Variants in TEK observed in about 807,000 individuals in gnomAD.
The protein encoded by TEK is angiopoietin-1 receptor.
Under a neutral mutation model 131.8 loss-of-function variants are expected in TEK, and 43 were observed. That is an observed-to-expected ratio of 0.33 (90% CI 0.26 to 0.42). The LOEUF is 0.42. TEK is among the 10% of genes least tolerant of loss of function. The pLI is 1.00. For missense variants in TEK, 1,162 were observed against 1,384.4 expected (o/e 0.84, Z 2.55); for synonymous variants, 580 against 491.6 (o/e 1.18, Z -2.38).
intron 1 of TEK, among the ~76,000 whole-genome samples, chr9:27,136,841 G>C (rs1822466741): frequency 6.6e-6 from 1 of 151,590 alleles, no homozygotes; most frequent in South Asian, 2.1e-4. Context: ...AATTAATTTA[G>C]GAAGAATTAT....
In TEK at chr9:27,135,178, C is replaced by T. The variant is rs557858739; in HGVS notation, c.53-22653C>T. 4.0e-5 allele frequency among the ~76,000 whole-genome samples: 6 copies of T among 150,340 alleles called. No homozygotes were observed. The South Asian group carries it at 1.0e-3, about 26-fold the overall frequency. On this transcript the variant is annotated intron_variant, in intron 1 of 22. Coordinates refer to ENST00000380036, the MANE Select transcript of TEK (RefSeq NM_000459.5). ...GGTGGAGGTTGCAGTGAGCCGAGAT[C>T]GTGCCACTGCACTCCAGCCTTGGTG...
chr9:27,115,752 T>C lies in TEK; in HGVS notation c.52+6110T>C, dbSNP rs184609845. Reference sequence around the variant, plus strand: ...GAAAAGGAAAAGGGAAGAAAGGACATAGAGGGAGCAACCTATACAAAGGGG... The same window carrying C: ...GAAAAGGAAAAGGGAAGAAAGGACACAGAGGGAGCAACCTATACAAAGGGG... On this transcript the variant is annotated intron_variant, in intron 1 of 22. Transcript: ENST00000380036. Among the ~76,000 whole-genome samples, 3 of 152,192 alleles carry C rather than the reference T, an allele frequency of 2.0e-5. No individual in the cohort carries two copies. The East Asian group carries it at 5.8e-4, about 29-fold the overall frequency.
chr9:27,167,609 G>A (rs145209791), intron 2 of TEK, among the ~76,000 whole-genome samples: 2 of 152,272 alleles, frequency 1.3e-5, no homozygotes, highest in Non-Finnish European at 2.9e-5. Context: ...AACTGTGTCA[G>A]TTCATACATA....
intron 20 of TEK, among the ~76,000 whole-genome samples, chr9:27,219,632 T>G (rs1825971479): frequency 1.2e-5 from 1 of 85,620 alleles, no homozygotes; most frequent in South Asian, 4.5e-4. Flanking sequence ...AAAACTGTTC[T>G]ACAATAAACC....
At chr9:27,158,611 C>A (rs1367882350) in intron 2 of TEK, among the ~76,000 whole-genome samples, 1 of 151,148 alleles carries the variant, frequency 6.6e-6, no homozygotes, top group Admixed American at 6.6e-5. Flanking sequence ...GGGGAATATC[C>A]ATCAGTAACT....
At chr9:27,223,177 A>AG (rs139911907) in intron 21 of TEK, among the ~76,000 whole-genome samples, 81,771 of 151,814 alleles carry the variant, frequency 0.54, 22,339 homozygotes, top group East Asian at 0.58. Flanking sequence ...TATTATTGTG[A>AG]GGAGTCTTAA....
intron 7 of TEK, among the ~76,000 whole-genome samples, chr9:27,180,686 C>T (rs921683019): frequency 1.1e-4 from 17 of 151,988 alleles, no homozygotes; most frequent in African/African-American, 3.9e-4. Flanking sequence ...CCTGGACATG[C>T]GTAACAGAGA....
chr9:27,206,654 C>G lies in TEK; in HGVS notation c.2437C>G (p.Pro813Ala). ...LNRKVKNNPD[P>A]TIYPVLDWND... is the part of the protein sequence containing the mutation. ...CAGGAAGGTCAAAAACAACCCAGAT[C>G]CTACAATTTATCCAGTGCTTGACTG... The change falls in exon 15 of 23, where the codon CCT (proline) becomes GCT (alanine). Residue 813 changes from proline (P) to alanine (A), a missense_variant. By Grantham distance (27) the Pro-to-Ala change is conservative. This residue lies in a region of TEK where 477 missense variants were observed against 471.0 expected (regional missense o/e 1.01). Coordinates refer to ENST00000380036, the MANE Select transcript of TEK (RefSeq NM_000459.5). The G allele has an allele frequency of 6.2e-7, 1 of 1,613,996 alleles. No individual in the cohort carries two copies. The highest frequency in any genetic ancestry group is 8.5e-7 in the Non-Finnish European group (1 of 1,179,988).
intron 2 of TEK, among the ~76,000 whole-genome samples, chr9:27,163,480 TGAGGAGAAAAG>T (rs991340632): frequency 3.9e-5 from 6 of 152,112 alleles, no homozygotes; most frequent in Admixed American, 2.0e-4. Context: ...CTGGTGAGGC[TGAGGAGAAAAG>T]GAGGAGAAAA....
chr9:27,123,624 T>C (rs1243713967), intron 1 of TEK, among the ~76,000 whole-genome samples: 2 of 152,220 alleles, frequency 1.3e-5, no homozygotes, highest in Non-Finnish European at 2.9e-5. Context: ...CATAATCTTT[T>C]TTATTGTTTT....
At chr9:27,204,366 C>T (rs991497660) in intron 13 of TEK, among the ~76,000 whole-genome samples, 1 of 152,066 alleles carries the variant, frequency 6.6e-6, no homozygotes, top group African/African-American at 2.4e-5. Flanking sequence ...TTTAATTTTT[C>T]CTCTGTCTTT....
At chr9:27,167,878 T>C (rs990474896) in intron 2 of TEK, among the ~76,000 whole-genome samples, 2 of 152,078 alleles carry the variant, frequency 1.3e-5, no homozygotes, top group Non-Finnish European at 2.9e-5. Flanking sequence ...TTTTCCCACT[T>C]TAAGAATACT....
At position 27,213,608 on chromosome 9, in the gene TEK, G is replaced by GAC; in HGVS notation, c.2991+15_2991+16dup. 1.3e-6 allele frequency: 2 copies of GAC among 1,589,162 alleles called. No individual in the cohort carries two copies. The highest frequency in any genetic ancestry group is 1.7e-6 in the Non-Finnish European group (2 of 1,157,600). Reference sequence around the variant, plus strand: ...GTGAAAAAGACAATGGTAAGTGCCAGACACAGACACTGATCGCATCCTTTC... The same window carrying GAC: ...GTGAAAAAGACAATGGTAAGTGCCAGACACACAGACACTGATCGCATCCTTTC... On this transcript the variant is annotated intron_variant, in intron 18 of 22. Coordinates refer to ENST00000380036, the MANE Select transcript of TEK (RefSeq NM_000459.5).
chr9:27,115,883 G>A (rs1346459713), intron 1 of TEK, among the ~76,000 whole-genome samples: 1 of 152,186 alleles, frequency 6.6e-6, no homozygotes, highest in African/African-American at 2.4e-5. Flanking sequence ...GGCCTCACAG[G>A]CCATTTTAAG....
rs1208128718 is a variant in TEK, at chr9:27,169,733, C to G, written c.628+104C>G. The G allele has an allele frequency of 3.3e-6, 5 of 1,515,478 alleles. No homozygotes were observed. In the Admixed American group the frequency reaches 5.2e-5, roughly 16 times the overall value. The allele number at this position is 1,515,478 out of a possible 1,614,324, so 93.9% of individuals were successfully genotyped here. A position where few individuals can be genotyped will look rare whatever the true frequency, so the allele number is the denominator to read the frequency against. Reference sequence around the variant, plus strand: ...TAACCATGGCTTCTTAAGCAAAAACCAGGCATTGGTTGGAGGTTGTATTAG... The same window carrying G: ...TAACCATGGCTTCTTAAGCAAAAACGAGGCATTGGTTGGAGGTTGTATTAG... On this transcript the variant is annotated intron_variant, in intron 4 of 22. Transcript: ENST00000380036.
intron 2 of TEK, among the ~76,000 whole-genome samples, chr9:27,168,146 T>G (rs1348574413): frequency 1.3e-5 from 2 of 152,184 alleles, no homozygotes; most frequent in African/African-American, 2.4e-5. Context: ...AAATAAAATC[T>G]GAAACACTTC....
chr9:27,137,473 C>G (rs1260479644), intron 1 of TEK, among the ~76,000 whole-genome samples: 1 of 151,888 alleles, frequency 6.6e-6, no homozygotes, highest in Non-Finnish European at 1.5e-5. Flanking sequence ...GAATAGATAC[C>G]TAATTTAAAA....
chr9:27,185,162 G>T (rs182275722), intron 8 of TEK, among the ~76,000 whole-genome samples: 1 of 152,226 alleles, frequency 6.6e-6, no homozygotes, highest in East Asian at 1.9e-4. Context: ...AGCCATCTCT[G>T]TGTTAGATAG....
intron 2 of TEK, among the ~76,000 whole-genome samples, chr9:27,158,738 C>A (rs1190546000): frequency 6.6e-6 from 1 of 150,860 alleles, no homozygotes; most frequent in African/African-American, 2.4e-5. Context: ...TGGCTCACTG[C>A]AACCTCCGCC....
Sources: gnomAD v4.1 joint callset for allele counts (sites outside exome capture counted in the v4.1 genomes callset) on GRCh38, gnomAD v4.1.1 for gene constraint, gnomAD v4.1.1 regional missense constraint, MANE v1.5 for transcripts, NCBI Gene and HGNC (gene_info 2026-07-23, HGNC 2026-07-21) for gene names.